The following OPRM1 variants were observed in gnomAD, a reference collection of about 807,000 sequenced individuals.
OPRM1 encodes the protein opioid receptor mu 1.
A neutral mutation model predicts 31.8 loss-of-function variants in OPRM1; 27 were observed. The observed-to-expected ratio is 0.85, with a 90% CI of 0.63 to 1.17. The LOEUF is 1.17. Ranked by LOEUF, OPRM1 falls within the 50% of genes most tolerant of loss-of-function variation. OPRM1 has a pLI of 0.00. For missense variants in OPRM1, 536 were observed against 511.1 expected, an observed-to-expected ratio of 1.05 and a Z score of -0.47; for synonymous variants, 196 against 189.9, an observed-to-expected ratio of 1.03 and a Z score of -0.26.
chr6:154,220,993 C>A (rs1378662008), intron 3 of OPRM1, among the ~76,000 whole-genome samples: 7 of 152,202 alleles, frequency 4.6e-5, no homozygotes, highest in African/African-American at 1.2e-4. Context: ...CTCCTTTTAA[C>A]ATGTTCTTTT....
intron 3 of OPRM1, among the ~76,000 whole-genome samples, chr6:154,147,088 G>T (rs1477724121): frequency 6.6e-6 from 1 of 152,132 alleles, no homozygotes; most frequent in Non-Finnish European, 1.5e-5. Flanking sequence ...TGGGGAAGGG[G>T]AGCAGAAGGA....
At position 154,091,447 on chromosome 6, in the gene OPRM1, A is replaced by G. The variant is rs376756256; in HGVS notation, c.1139A>G (p.Asn380Ser). ...QNTRDHPSTA[N>S]TVDRTNHQLE... is the part of the protein sequence containing the mutation. The stretch of plus-strand genomic sequence containing the variant: ...ACTAGAGACCACCCCTCCACGGCCA[A>G]TACAGTGGATAGAACTAATCATCAG... Residue 380 changes from asparagine to serine, a missense_variant, in exon 3 of 4, where the codon AAT becomes AGT. Coordinates refer to ENST00000330432, the MANE Select transcript of OPRM1 (RefSeq NM_000914.5). 42 of 1,612,866 alleles carry G rather than the reference A, an allele frequency of 2.6e-5. No homozygotes were observed. Among genetic ancestry groups the G allele is most frequent in the African/African-American group, 1.3e-4 (10 of 74,914 alleles).
At chr6:154,052,801 G>A (rs1355265516) in intron 1 of OPRM1, among the ~76,000 whole-genome samples, 1 of 152,158 alleles carries the variant, frequency 6.6e-6, no homozygotes, top group African/African-American at 2.4e-5. Flanking sequence ...TACTTAGTAG[G>A]TGTGTATATT....
rs1324579000 is a variant in OPRM1 at position 154,195,331 on chromosome 6, T to TAG, written c.1165-51358_1165-51357dup. ...CCTGGCTAATTTTTTGTGTTTTTAA[T>TAG]AGAGATGGGGTTTCACCATGTTAGC... On this transcript the variant is annotated intron_variant, in intron 3 of 3. Coordinates refer to the OPRM1 transcript ENST00000337049. Among the ~76,000 whole-genome samples, 3 of 151,946 alleles carry TAG rather than the reference T, an allele frequency of 2.0e-5. No individual in the cohort carries two copies. In the East Asian group the frequency reaches 5.8e-4, roughly 29 times the overall value.
intron 3 of OPRM1, among the ~76,000 whole-genome samples, chr6:154,196,033 G>C (rs1336869186): frequency 6.6e-6 from 1 of 151,846 alleles, no homozygotes; most frequent in Non-Finnish European, 1.5e-5. Flanking sequence ...CTCGTGATCC[G>C]CCTACCTCGG....
At chr6:154,043,265 A>G (rs1780438659) in intron 1 of OPRM1, among the ~76,000 whole-genome samples, 1 of 152,188 alleles carries the variant, frequency 6.6e-6, no homozygotes, top group Admixed American at 6.5e-5. Context: ...AATTCTCAAT[A>G]TAACTAATTA....
intron 1 of OPRM1, among the ~76,000 whole-genome samples, chr6:154,046,139 A>G (rs1460840646): frequency 2.0e-5 from 3 of 152,222 alleles, no homozygotes; most frequent in African/African-American, 7.2e-5. Flanking sequence ...GCTCTTACAG[A>G]CCTATCAATA....
At chr6:154,088,939 C>A (rs979193862) in intron 1 of OPRM1, among the ~76,000 whole-genome samples, 2 of 152,166 alleles carry the variant, frequency 1.3e-5, no homozygotes, top group African/African-American at 4.8e-5. Context: ...TCTAGAATGA[C>A]CTGCTCCTAC....
chr6:154,175,810 A>T lies in OPRM1; in HGVS notation c.1165-70883A>T, dbSNP rs528737775. 8.1e-4 allele frequency among the ~76,000 whole-genome samples: 123 copies of T among 152,236 alleles called. 4 individuals are homozygous for T. In the South Asian group the frequency reaches 0.024, roughly 30 times the overall value. ...CAATAGAAAAACAGGGAATCCTCCC[A>T]AACTCATTTTATGAGGCCAGCATCA... On this transcript the variant is annotated intron_variant, in intron 3 of 3. Transcript: ENST00000337049.
chr6:154,229,100 G>C (rs765757643), intron 3 of OPRM1, among the ~76,000 whole-genome samples: 7 of 152,164 alleles, frequency 4.6e-5, no homozygotes, highest in Non-Finnish European at 7.3e-5. Flanking sequence ...CCCAGGGGCG[G>C]CCCTCCCTTA....
intron 1 of OPRM1, among the ~76,000 whole-genome samples, chr6:154,075,106 A>G (rs1375253806): frequency 6.6e-6 from 1 of 152,208 alleles, no homozygotes; most frequent in Non-Finnish European, 1.5e-5. Flanking sequence ...AGAGAAAATG[A>G]TATTTTTAAA....
intron 1 of OPRM1, among the ~76,000 whole-genome samples, chr6:154,074,614 G>C (rs1021677628): frequency 3.3e-5 from 5 of 152,092 alleles, no homozygotes; most frequent in Non-Finnish European, 7.4e-5. Context: ...ACAAAAATTA[G>C]CCAGGCGTGG....
chr6:154,203,259 T>A (rs961557184), intron 3 of OPRM1, among the ~76,000 whole-genome samples: 1 of 152,178 alleles, frequency 6.6e-6, no homozygotes, highest in Non-Finnish European at 1.5e-5. Context: ...AACCTTCGTG[T>A]GTCTGTTCAA....
chr6:154,056,660 G>C (rs80187409), intron 1 of OPRM1, among the ~76,000 whole-genome samples: 9 of 151,944 alleles, frequency 5.9e-5, no homozygotes, highest in African/African-American at 2.2e-4. Context: ...GGAACAAGGA[G>C]ATCAATGGAA....
At chr6:154,205,981 T>C (rs1777461946) in intron 3 of OPRM1, among the ~76,000 whole-genome samples, 2 of 152,226 alleles carry the variant, frequency 1.3e-5, no homozygotes, top group East Asian at 1.9e-4. Context: ...CTGAAACTAA[T>C]GGCTTACATC....
At chr6:154,048,291 T>C (rs1781542386) in intron 1 of OPRM1, among the ~76,000 whole-genome samples, 1 of 152,244 alleles carries the variant, frequency 6.6e-6, no homozygotes, top group South Asian at 2.1e-4. Context: ...CCTTTATTTT[T>C]CTTTCTCTCT....
rs1797672306 is a variant in OPRM1 at position 154,127,683 on chromosome 6, A to G, written c.*8962A>G. ...CCATCATTTTGACTTAGAGCCAGTC[A>G]GAATTCAATCTCCAATATCCTGACT... On this transcript the variant is annotated 3_prime_UTR_variant, in exon 4 of 4. Coordinates refer to ENST00000330432, the MANE Select transcript of OPRM1 (RefSeq NM_000914.5). Among the ~76,000 whole-genome samples the G allele has an allele frequency of 6.6e-6, 1 of 152,258 alleles. No homozygotes were observed.
intron 3 of OPRM1, chr6:154,221,357 A>G (rs2272381): frequency 0.16 from 248,265 of 1,583,206 alleles, 20,198 homozygotes; most frequent in East Asian, 0.23. Context: ...CAAACACATA[A>G]AAAATTAGTG....
At chr6:154,102,918 C>CAAAAAAAAAAAAA (rs58694186) in intron 3 of OPRM1, among the ~76,000 whole-genome samples, 1 of 80,796 alleles carries the variant, frequency 1.2e-5, no homozygotes, top group Non-Finnish European at 2.9e-5. Flanking sequence ...TAACCAGTTG[C>CAAAAAAAAAAAAA]AAAAAAAAAA....
Sources: allele counts gnomAD v4.1 joint callset (sites outside exome capture counted in the v4.1 genomes callset), GRCh38; gene constraint gnomAD v4.1.1; transcripts MANE v1.5; gene names NCBI Gene and HGNC (gene_info 2026-07-23, HGNC 2026-07-21).